PCDHA5: variants seen among roughly 807,000 people sequenced by gnomAD.
PCDHA5 encodes the protein protocadherin alpha 5, also known as protocadherin alpha-5.
In PCDHA5, 43 loss-of-function variants were observed where a neutral mutation model predicts 61.6. The ratio of observed to expected loss-of-function variants is 0.70; its 90% CI spans 0.55 to 0.90. PCDHA5 has a LOEUF of 0.90. Ranked by LOEUF, PCDHA5 falls within the 40% of genes least tolerant of loss-of-function variation. The pLI, the probability that PCDHA5 is intolerant of heterozygous loss-of-function variation, is 0.00. For synonymous variants in PCDHA5, 627 were observed against 543.9 expected, an observed-to-expected ratio of 1.15 and a Z score of -2.13; for missense variants, 1,298 against 1,222.7, an observed-to-expected ratio of 1.06 and a Z score of -0.92.
At chr5:140,930,527 A>C (rs73793525) in intron 1 of PCDHA5, 8,511 of 152,566 alleles carry the variant, frequency 0.056, 704 homozygotes, top group African/African-American at 0.18. Context: ...CTGGCCCTCA[A>C]ACTTCTTGAG....
chr5:140,856,435 G>T, intron 1 of PCDHA5: 3 of 1,598,320 alleles, frequency 1.9e-6, no homozygotes, highest in Non-Finnish European at 2.6e-6. Flanking sequence ...ACGACAACCC[G>T]CCCAGGTTCT....
intron 1 of PCDHA5, chr5:140,834,291 G>T: frequency 8.3e-7 from 1 of 1,201,540 alleles, no homozygotes; most frequent in Middle Eastern, 2.2e-4. Flanking sequence ...CACAACAATG[G>T]CCACACATCG....
chr5:140,870,823 G>A (rs971082881), intron 1 of PCDHA5: 1 of 1,613,762 alleles, frequency 6.2e-7, no homozygotes, highest in Non-Finnish European at 8.5e-7. Flanking sequence ...CAGCGCGGGA[G>A]GCGCAGTTAA....
chr5:140,924,752 G>A (rs970314481), intron 1 of PCDHA5, among the ~76,000 whole-genome samples: 5 of 151,648 alleles, frequency 3.3e-5, no homozygotes, highest in South Asian at 2.1e-4. Context: ...AAAATTAACC[G>A]AGCATGGTGG....
intron 1 of PCDHA5, chr5:140,883,740 C>A: frequency 6.2e-7 from 1 of 1,613,368 alleles, no homozygotes; most frequent in Non-Finnish European, 8.5e-7. Context: ...GCGCTGGTCT[C>A]CTACTCGCTG....
At chr5:140,835,561 T>A (rs1304711365) in intron 1 of PCDHA5, 6 of 1,613,806 alleles carry the variant, frequency 3.7e-6, no homozygotes, top group Admixed American at 1.7e-5. Context: ...ACGCCCCGCG[T>A]TCCCTTCAAG....
intron 1 of PCDHA5, among the ~76,000 whole-genome samples, chr5:140,855,144 C>A (rs573799171): frequency 1.3e-5 from 2 of 149,748 alleles, no homozygotes; most frequent in South Asian, 4.2e-4. Context: ...CCTGATGAGC[C>A]AAATTTGGTA....
At chr5:140,911,814 C>T (rs1165066555) in intron 1 of PCDHA5, among the ~76,000 whole-genome samples, 2 of 152,136 alleles carry the variant, frequency 1.3e-5, no homozygotes, top group African/African-American at 4.8e-5. Context: ...GCAGCCTTCT[C>T]CAGAAACCCC....
At chr5:140,928,348 G>A in intron 1 of PCDHA5, 1 of 1,614,172 alleles carries the variant, frequency 6.2e-7, no homozygotes, top group Non-Finnish European at 8.5e-7. Context: ...TGAGCTGTTG[G>A]ATGTTATCTC....
chr5:140,954,025 C>A (rs533473552), intron 1 of PCDHA5, among the ~76,000 whole-genome samples: 1 of 152,072 alleles, frequency 6.6e-6, no homozygotes, highest in African/African-American at 2.4e-5. Context: ...CATAGTGGGA[C>A]GATGTGGTAT....
At chr5:140,879,208 A>C (rs546096733) in intron 1 of PCDHA5, among the ~76,000 whole-genome samples, 1 of 152,362 alleles carries the variant, frequency 6.6e-6, no homozygotes, top group East Asian at 1.9e-4. Context: ...ATGGCAGTAG[A>C]AATGAATTGA....
chr5:140,949,277 G>T (rs934497662), intron 1 of PCDHA5, among the ~76,000 whole-genome samples: 2 of 151,734 alleles, frequency 1.3e-5, no homozygotes, highest in African/African-American at 2.4e-5. Context: ...CACTTGAAAA[G>T]AATGTATATT....
At position 140,840,157 on chromosome 5, in the gene PCDHA5, G is replaced by T. The variant is rs1313215896; in HGVS notation, c.2352+16030G>T. 2.0e-5 allele frequency among the ~76,000 whole-genome samples: 3 copies of T among 151,986 alleles called. No homozygotes were observed. The East Asian group carries it at 5.8e-4, about 29-fold the overall frequency. ...AGAAATTATCACACGTGAAAGGAGA[G>T]ATGGGATGTATACAAATTTTAAATA... On this transcript the variant is annotated intron_variant, in intron 1 of 3. Transcript: ENST00000529859.
chr5:140,897,457 C>T (rs1173344812), intron 1 of PCDHA5, among the ~76,000 whole-genome samples: 11 of 151,186 alleles, frequency 7.3e-5, no homozygotes, highest in East Asian at 1.9e-4. Context: ...TTTGTCCTTG[C>T]GATAGTTTAC....
chr5:140,892,461 G>A lies in PCDHA5; in HGVS notation c.2352+68334G>A, dbSNP rs187904355. On this transcript the variant is annotated intron_variant, in intron 1 of 3. Coordinates refer to ENST00000529859, the MANE Select transcript of PCDHA5 (RefSeq NM_018908.3). ...AAATTTACATGTATTCTTTAAGTAC[G>A]GTTATTCAGTTTCCTAGCCAAACAT... 2.1e-3 allele frequency among the ~76,000 whole-genome samples: 317 copies of A among 152,150 alleles called. 1 individual carries two copies. Among genetic ancestry groups the A allele is most frequent in the Non-Finnish European group, 3.5e-3 (237 of 68,004 alleles).
chr5:140,896,366 C>T (rs905088200), intron 1 of PCDHA5, among the ~76,000 whole-genome samples: 1 of 152,090 alleles, frequency 6.6e-6, no homozygotes, highest in Non-Finnish European at 1.5e-5. Context: ...TATAAGCATT[C>T]CCTTTTCTCT....
At chr5:140,869,616 G>C (rs1554163306) in intron 1 of PCDHA5, 1 of 1,613,734 alleles carries the variant, frequency 6.2e-7, no homozygotes, top group Non-Finnish European at 8.5e-7. Context: ...TGACCTACAG[G>C]CTAAGTAAAA....
At chr5:140,923,306 C>A (rs572766829) in intron 1 of PCDHA5, among the ~76,000 whole-genome samples, 1 of 152,216 alleles carries the variant, frequency 6.6e-6, no homozygotes, top group South Asian at 2.1e-4. Context: ...GGCGTGGGGG[C>A]GCTTGGCCTA....
In PCDHA5 at chr5:140,976,256, AAC is replaced by A. The variant is rs372931931; in HGVS notation, c.2353-2689_2353-2688del. On this transcript the variant is annotated intron_variant, in intron 1 of 3. Transcript: ENST00000529859. Reference sequence around the variant, plus strand: ...TGTCATTTCATGTAAATTTATTTAAAACACAGACTTTTGGCAAGGCACAGTGG... The same window carrying A: ...TGTCATTTCATGTAAATTTATTTAAAACAGACTTTTGGCAAGGCACAGTGG... Among the ~76,000 whole-genome samples the A allele has an allele frequency of 3.2e-3, 487 of 152,352 alleles. 7 individuals carry two copies. Among genetic ancestry groups the A allele is most frequent in the Middle Eastern group, 0.01 (3 of 294 alleles).
Sources: allele counts gnomAD v4.1 joint callset (sites outside exome capture counted in the v4.1 genomes callset), GRCh38; gene constraint gnomAD v4.1.1; transcripts MANE v1.5; gene names NCBI Gene and HGNC (gene_info 2026-07-23, HGNC 2026-07-21).